The following RXFP1 variants were observed in gnomAD, a reference collection of about 807,000 sequenced individuals.
The protein encoded by RXFP1 is relaxin receptor 1.
Under a neutral mutation model 89.8 loss-of-function variants are expected in RXFP1, and 73 were observed. That is an observed-to-expected ratio of 0.81 (90% CI 0.67 to 0.99). The LOEUF is 0.99. RXFP1 is among the 50% of genes least tolerant of loss of function. The pLI is 0.00. For missense variants in RXFP1, 793 were observed against 895.5 expected, an observed-to-expected ratio of 0.89 and a Z score of 1.46; for synonymous variants, 277 against 305.5, an observed-to-expected ratio of 0.91 and a Z score of 0.97.
rs1046450474 is a variant in RXFP1, at chr4:158,615,683, G to A, written c.681-1448G>A. Among the ~76,000 whole-genome samples, 7 of 152,018 alleles carry A rather than the reference G, an allele frequency of 4.6e-5. No individual in the cohort carries two copies. The East Asian group carries it at 5.8e-4, about 13-fold the overall frequency. Reference sequence around the variant, plus strand: ...TTGATGGCTGGGCAGGGTGGCTCACGTCTGTAATCTCATGCTTTGGGAGAT... The same window carrying A: ...TTGATGGCTGGGCAGGGTGGCTCACATCTGTAATCTCATGCTTTGGGAGAT... On this transcript the variant is annotated intron_variant, in intron 8 of 17. Transcript: ENST00000307765.
chr4:158,603,536 C>G (rs911457533), intron 4 of RXFP1, among the ~76,000 whole-genome samples: 18 of 152,002 alleles, frequency 1.2e-4, no homozygotes, highest in African/African-American at 4.4e-4. Flanking sequence ...TGTTTCCCTT[C>G]CCCCAGGGAG....
At chr4:158,579,485 C>T (rs1438548512) in intron 2 of RXFP1, among the ~76,000 whole-genome samples, 1 of 152,136 alleles carries the variant, frequency 6.6e-6, no homozygotes, top group Admixed American at 6.5e-5. Flanking sequence ...AGGATGGTCT[C>T]GATCTCTTGA....
At chr4:158,585,728 A>G (rs184833485) in intron 2 of RXFP1, among the ~76,000 whole-genome samples, 3 of 152,354 alleles carry the variant, frequency 2.0e-5, no homozygotes, top group Admixed American at 2.0e-4. Flanking sequence ...ACAAAAATAC[A>G]TAGGTAAAAA....
Position 158,628,638 on chromosome 4 carries a change from A to C in RXFP1, c.828A>C (p.Leu276Phe). 1 of 1,485,634 alleles carries C rather than the reference A, an allele frequency of 6.7e-7. No individual in the cohort carries two copies. The highest frequency in any genetic ancestry group is 9.3e-7 in the Non-Finnish European group (1 of 1,069,618). 92.0% of individuals were successfully genotyped at this position (1,485,634 alleles called of 1,614,324 possible). ...TFISCSNLTV[L>F]VMRKNKINHL... ...AATGTATTTTTCTTTTTACTTTCAG[A>C]GTGATGAGGAAAAACAAAATTAATC... Residue 276 changes from leucine (L) to phenylalanine (F), a missense_variant and splice_region_variant, in exon 11 of 18, where the codon TTA (leucine) becomes TTC (phenylalanine). Transcript: ENST00000307765.
At chr4:158,544,738 GT>G (rs1280874617) in intron 1 of RXFP1, among the ~76,000 whole-genome samples, 1 of 151,988 alleles carries the variant, frequency 6.6e-6, no homozygotes, top group African/African-American at 2.4e-5. Flanking sequence ...GAGAATGATG[GT>G]TTCCAGTTTC....
intron 8 of RXFP1, among the ~76,000 whole-genome samples, chr4:158,613,731 C>G (rs1763989789): frequency 6.6e-6 from 1 of 152,186 alleles, no homozygotes; most frequent in Non-Finnish European, 1.5e-5. Flanking sequence ...TCAACTTCTT[C>G]CAAACTCCTG....
intron 1 of RXFP1, among the ~76,000 whole-genome samples, chr4:158,532,145 A>T (rs28608826): frequency 0.045 from 6,850 of 151,358 alleles, 521 homozygotes; most frequent in African/African-American, 0.16. Flanking sequence ...GTGTTTACCC[A>T]TGCACCCAGT....
chr4:158,607,165 G>A, intron 5 of RXFP1: 1 of 1,444,096 alleles, frequency 6.9e-7, no homozygotes, highest in Non-Finnish European at 9.4e-7. Context: ...ACTTTGTGTG[G>A]GTGCAATGAT....
chr4:158,536,503 C>T (rs1171148654), intron 1 of RXFP1, among the ~76,000 whole-genome samples: 1 of 152,168 alleles, frequency 6.6e-6, no homozygotes, highest in Non-Finnish European at 1.5e-5. Flanking sequence ...GAACCATAGT[C>T]ATGCTATCTA....
chr4:158,559,683 G>A (rs1001363909), intron 1 of RXFP1, among the ~76,000 whole-genome samples: 2 of 152,176 alleles, frequency 1.3e-5, no homozygotes, highest in Non-Finnish European at 2.9e-5. Context: ...TTAATGTGAA[G>A]CACAAGATGG....
intron 14 of RXFP1, among the ~76,000 whole-genome samples, chr4:158,643,792 G>A (rs541017817): frequency 6.6e-6 from 1 of 151,848 alleles, no homozygotes; most frequent in Non-Finnish European, 1.5e-5. Context: ...TCTATTTGTA[G>A]TTTTCTGAGG....
chr4:158,543,182 C>T (rs1434441179), intron 1 of RXFP1, among the ~76,000 whole-genome samples: 1 of 152,160 alleles, frequency 6.6e-6, no homozygotes, highest in Non-Finnish European at 1.5e-5. Context: ...GCTATTCAGC[C>T]ATGCCCTGAG....
At chr4:158,526,266 T>C (rs1275196096) in intron 1 of RXFP1, among the ~76,000 whole-genome samples, 2 of 152,270 alleles carry the variant, frequency 1.3e-5, no homozygotes, top group Non-Finnish European at 2.9e-5. Context: ...CACATGAAAC[T>C]TAGCTATACA....
chr4:158,621,665 A>G (rs1765658356), intron 9 of RXFP1, among the ~76,000 whole-genome samples: 1 of 152,226 alleles, frequency 6.6e-6, no homozygotes, highest in African/African-American at 2.4e-5. Flanking sequence ...ATATTTTTAA[A>G]AAACAGACTA....
rs1762331877 is a variant in RXFP1, at chr4:158,605,093, A to T, written c.418A>T (p.Lys140Ter). Residue 140 changes from lysine to a stop codon, truncating the protein, a stop_gained, in exon 5 of 18, where the codon AAG (lysine) becomes TAG (stop). Transcript: ENST00000307765. LOFTEE classifies it high-confidence loss of function. ...AMSLQWNLIR[K>*]LPPDCFKNYH... ...GTCACTTCAGTGGAACTTAATAAGA[A>T]AGCTTCCTCCTGATTGCTTCAAGAA... The T allele has an allele frequency of 5.7e-6, 9 of 1,590,904 alleles. No homozygotes were observed. Among genetic ancestry groups the T allele is most frequent in the Non-Finnish European group, 7.7e-6 (9 of 1,163,342 alleles).
chr4:158,649,162 A>G (rs1439510470), intron 17 of RXFP1, among the ~76,000 whole-genome samples: 2 of 152,140 alleles, frequency 1.3e-5, no homozygotes, highest in Non-Finnish European at 2.9e-5. Flanking sequence ...TCTGCTCATC[A>G]ATATAACATT....
chr4:158,629,629 G>A (rs1378280187), intron 11 of RXFP1, among the ~76,000 whole-genome samples: 1 of 151,470 alleles, frequency 6.6e-6, no homozygotes, highest in Non-Finnish European at 1.5e-5. Flanking sequence ...TTCATTTTTT[G>A]TTTGCTTTTT....
intron 2 of RXFP1, among the ~76,000 whole-genome samples, chr4:158,585,250 C>T (rs150452728): frequency 5.3e-4 from 80 of 152,328 alleles, no homozygotes; most frequent in Admixed American, 8.5e-4. Context: ...TACCAGCATG[C>T]ATTATTAATT....
chr4:158,563,379 A>G (rs1417462000), intron 1 of RXFP1, among the ~76,000 whole-genome samples: 1 of 152,142 alleles, frequency 6.6e-6, no homozygotes, highest in East Asian at 1.9e-4. Flanking sequence ...ATGAGGTAAA[A>G]TCATGATATT....
Sources: allele counts gnomAD v4.1 joint callset (sites outside exome capture counted in the v4.1 genomes callset), GRCh38; gene constraint gnomAD v4.1.1; transcripts MANE v1.5; gene names NCBI Gene and HGNC (gene_info 2026-07-23, HGNC 2026-07-21).